SLC25A48: variants seen among roughly 807,000 people sequenced by gnomAD.
The protein encoded by SLC25A48 is solute carrier family 25 member 48.
In SLC25A48, 29 loss-of-function variants were observed where a neutral mutation model predicts 32.2. That is an observed-to-expected ratio of 0.90 (90% CI 0.67 to 1.23). SLC25A48 has a LOEUF of 1.23. Among genes scored for constraint, SLC25A48 ranks in the 50% most tolerant of loss-of-function variants. SLC25A48 has a pLI of 0.00. For synonymous variants in SLC25A48, 164 were observed against 172.3 expected, an observed-to-expected ratio of 0.95 and a Z score of 0.38; for missense variants, 399 against 422.7, an observed-to-expected ratio of 0.94 and a Z score of 0.49.
chr5:135,661,701 A>C (rs1429694826), intron 3 of SLC25A48, among the ~76,000 whole-genome samples: 1 of 152,186 alleles, frequency 6.6e-6, no homozygotes, highest in Non-Finnish European at 1.5e-5. Flanking sequence ...TTATACATTC[A>C]TATATAAACA....
intron 3 of SLC25A48, among the ~76,000 whole-genome samples, chr5:135,757,706 AGAT>A (rs1387160181): frequency 2.7e-5 from 4 of 149,970 alleles, no homozygotes; most frequent in Non-Finnish European, 4.5e-5. Context: ...AATATCATCT[AGAT>A]GATATTTATA....
intron 1 of SLC25A48, among the ~76,000 whole-genome samples, chr5:135,608,502 A>T (rs932670544): frequency 6.6e-6 from 1 of 152,192 alleles, no homozygotes; most frequent in Admixed American, 6.5e-5. Context: ...GAGCCAGCCA[A>T]TGAGGTGGTC....
intron 7 of SLC25A48, among the ~76,000 whole-genome samples, chr5:135,887,389 A>AAACT (rs1436081541): frequency 1.3e-5 from 2 of 152,078 alleles, no homozygotes; most frequent in African/African-American, 2.4e-5. Flanking sequence ...GTGTTCTATG[A>AAACT]AAGTGGTTTT....
intron 3 of SLC25A48, among the ~76,000 whole-genome samples, chr5:135,739,280 G>T (rs1755447875): frequency 6.6e-6 from 1 of 152,022 alleles, no homozygotes; most frequent in Admixed American, 6.5e-5. Context: ...ATCATGCCTG[G>T]CTAATTTTTT....
chr5:135,696,206 T>G (rs1267018943), intron 3 of SLC25A48, among the ~76,000 whole-genome samples: 1 of 152,178 alleles, frequency 6.6e-6, no homozygotes, highest in Non-Finnish European at 1.5e-5. Flanking sequence ...GACCACCAGG[T>G]AGGGACCAGA....
At chr5:135,814,508 C>T (rs1030613673) in intron 4 of SLC25A48, among the ~76,000 whole-genome samples, 8 of 152,182 alleles carry the variant, frequency 5.3e-5, no homozygotes, top group African/African-American at 1.9e-4. Context: ...GTCCCTGTTA[C>T]ACAGACAAAA....
intron 3 of SLC25A48, among the ~76,000 whole-genome samples, chr5:135,787,021 G>T (rs543044612): frequency 6.6e-6 from 1 of 152,066 alleles, no homozygotes; most frequent in East Asian, 1.9e-4. Context: ...CTCTCCTAGG[G>T]GGATGTTACT....
intron 3 of SLC25A48, among the ~76,000 whole-genome samples, chr5:135,723,005 C>T (rs1030084559): frequency 7.9e-5 from 12 of 152,360 alleles, no homozygotes; most frequent in Non-Finnish European, 1.6e-4. Flanking sequence ...CCTGCATGAC[C>T]GCTTTGCTCA....
intron 3 of SLC25A48, among the ~76,000 whole-genome samples, chr5:135,806,839 A>G (rs1757474338): frequency 6.7e-6 from 1 of 150,230 alleles, no homozygotes; most frequent in African/African-American, 2.4e-5. Flanking sequence ...GTGTGTTAAC[A>G]TTAGGTATTA....
intron 4 of SLC25A48, among the ~76,000 whole-genome samples, chr5:135,823,394 G>A (rs1008366441): frequency 1.3e-5 from 2 of 152,194 alleles, no homozygotes; most frequent in African/African-American, 2.4e-5. Flanking sequence ...TCCTCATTCC[G>A]CTTCTCCACC....
At chr5:135,667,969 T>C (rs1304080551) in intron 3 of SLC25A48, among the ~76,000 whole-genome samples, 1 of 152,216 alleles carries the variant, frequency 6.6e-6, no homozygotes, top group Non-Finnish European at 1.5e-5. Context: ...GACTGCTCTT[T>C]CCTGAGTATA....
At chr5:135,723,900 T>A (rs1755029176) in intron 3 of SLC25A48, among the ~76,000 whole-genome samples, 1 of 152,226 alleles carries the variant, frequency 6.6e-6, no homozygotes, top group South Asian at 2.1e-4. Flanking sequence ...ATTTCTATAA[T>A]TTCTCAATGC....
chr5:135,760,082 C>T (rs962949654), intron 3 of SLC25A48, among the ~76,000 whole-genome samples: 2 of 152,116 alleles, frequency 1.3e-5, no homozygotes, highest in African/African-American at 4.8e-5. Flanking sequence ...CCACCACCCT[C>T]AGCCTTCCAA....
chr5:135,743,230 C>G (rs1052460341), intron 3 of SLC25A48, among the ~76,000 whole-genome samples: 5 of 149,404 alleles, frequency 3.3e-5, no homozygotes, highest in African/African-American at 9.9e-5. Context: ...TGCCATCAAG[C>G]CTGGCTAATT....
chr5:135,735,005 C>A (rs1236974290), intron 3 of SLC25A48, among the ~76,000 whole-genome samples: 1 of 152,102 alleles, frequency 6.6e-6, no homozygotes, highest in African/African-American at 2.4e-5. Flanking sequence ...GTTCCAGGGG[C>A]TCTGGGAGTG....
chr5:135,748,430 G>A (rs944996077), intron 3 of SLC25A48, among the ~76,000 whole-genome samples: 4 of 151,654 alleles, frequency 2.6e-5, no homozygotes, highest in African/African-American at 4.8e-5. Context: ...CTGCCACCAC[G>A]CCTAGCTAAT....
At chr5:135,585,847 T>A (rs1455477419) in intron 1 of SLC25A48, among the ~76,000 whole-genome samples, 1 of 152,174 alleles carries the variant, frequency 6.6e-6, no homozygotes, top group Non-Finnish European at 1.5e-5. Context: ...TTGCACAGTA[T>A]CTTGTCACAT....
chr5:135,588,003 T>G (rs1441700331), intron 1 of SLC25A48, among the ~76,000 whole-genome samples: 1 of 152,172 alleles, frequency 6.6e-6, no homozygotes, highest in Non-Finnish European at 1.5e-5. Flanking sequence ...TGTGTAAGGC[T>G]AGATGTCCTG....
intron 3 of SLC25A48, among the ~76,000 whole-genome samples, chr5:135,760,148 T>G (rs1370629051): frequency 6.6e-6 from 1 of 152,198 alleles, no homozygotes; most frequent in Admixed American, 6.5e-5. Flanking sequence ...TTATATCATC[T>G]TGATGATTTC....
Sources: gnomAD v4.1 joint callset for allele counts (sites outside exome capture counted in the v4.1 genomes callset) on GRCh38, gnomAD v4.1.1 for gene constraint, MANE v1.5 for transcripts, NCBI Gene and HGNC (gene_info 2026-07-23, HGNC 2026-07-21) for gene names.